Variants in PTPRF observed in about 807,000 individuals in gnomAD.
PTPRF encodes the protein receptor-type tyrosine-protein phosphatase F.
Under a neutral mutation model 201.8 loss-of-function variants are expected in PTPRF, and 59 were observed. That is an observed-to-expected ratio of 0.29 (90% CI 0.24 to 0.36). The LOEUF (loss-of-function observed/expected upper bound fraction) is 0.36, where lower values mean the gene tolerates loss of function less well. PTPRF is among the 10% of genes least tolerant of loss of function. The pLI is 1.00. For missense variants in PTPRF, 2,132 were observed against 2,690.5 expected, an observed-to-expected ratio of 0.79 and a Z score of 4.59; for synonymous variants, 1,088 against 1,089.7, an observed-to-expected ratio of 1.00 and a Z score of 0.03.
At chr1:43,575,792 CATGT>C (rs1411074922) in intron 6 of PTPRF, 3 of 905,476 alleles carry the variant, frequency 3.3e-6, no homozygotes, top group African/African-American at 3.4e-5. Context: ...TCAATTTCTC[CATGT>C]ATTTAAGGCC....
At chr1:43,616,895 C>T (rs539507386) in intron 23 of PTPRF, among the ~76,000 whole-genome samples, 1 of 152,186 alleles carries the variant, frequency 6.6e-6, no homozygotes, top group East Asian at 1.9e-4. Context: ...AGAAGGAACC[C>T]TGGAGGAGCT....
intron 11 of PTPRF, among the ~76,000 whole-genome samples, chr1:43,595,662 T>G (rs551237213): frequency 1.4e-4 from 21 of 152,180 alleles, no homozygotes; most frequent in Non-Finnish European, 2.8e-4. Context: ...GTATGGGTGG[T>G]GAGAGAGCTT....
At chr1:43,563,575 T>C (rs1372251456) in intron 5 of PTPRF, among the ~76,000 whole-genome samples, 2 of 151,976 alleles carry the variant, frequency 1.3e-5, no homozygotes, top group East Asian at 1.9e-4. Flanking sequence ...ACTGGGAGTG[T>C]GTGAGGTCAA....
upstream of PTPRF, among the ~76,000 whole-genome samples, chr1:43,522,831 A>G (rs1221563441): frequency 6.6e-6 from 1 of 151,992 alleles, no homozygotes. Context: ...GAGGTAGGCA[A>G]AGGGAGGGCA....
intron 11 of PTPRF, among the ~76,000 whole-genome samples, chr1:43,595,936 T>C (rs1467718071): frequency 6.6e-6 from 1 of 151,768 alleles, no homozygotes; most frequent in African/African-American, 2.4e-5. Flanking sequence ...ACAGGCAGCA[T>C]GGAGAGTCCT....
At chr1:43,604,764 C>G (rs891968017) in intron 16 of PTPRF, 139 bp from the exon 17 acceptor site, 5 of 715,948 alleles carry the variant, frequency 7.0e-6, no homozygotes, top group Non-Finnish European at 1.2e-5. Context: ...GGGAGTGGGG[C>G]GCTTGGTACT....
chr1:43,583,813 C>A (rs1013510679), intron 7 of PTPRF, among the ~76,000 whole-genome samples: 5 of 152,214 alleles, frequency 3.3e-5, no homozygotes, highest in Non-Finnish European at 7.3e-5. Context: ...GATCCTCCTA[C>A]CTGCCCCAGG....
At position 43,554,019 on chromosome 1, in the gene PTPRF, T is replaced by C; in HGVS notation, c.379+78T>C. 6.4e-7 allele frequency: 1 copy of C among 1,553,900 alleles called. No homozygotes were observed. Among genetic ancestry groups the C allele is most frequent in the Non-Finnish European group, 8.7e-7 (1 of 1,145,244 alleles). On this transcript the variant is annotated intron_variant, in intron 5 of 33. Coordinates refer to ENST00000359947, the MANE Select transcript of PTPRF (RefSeq NM_002840.5). This position sits in a 1 kb window ranked among gnomAD's most constrained non-coding sequence, Gnocchi z 4.1. ...GAGCCAGCCAGCCCTGATCCTGTCC[T>C]GGGCCCATGTGCATTTGGCAGAAAG...
chr1:43,545,408 G>T (rs1283808089), intron 3 of PTPRF, among the ~76,000 whole-genome samples: 1 of 152,184 alleles, frequency 6.6e-6, no homozygotes, highest in Admixed American at 6.5e-5. Context: ...GTCTTATGGG[G>T]CTGGGGTGAG....
chr1:43,587,943 C>G lies in PTPRF; in HGVS notation c.680-788C>G, dbSNP rs1381833661. Among the ~76,000 whole-genome samples the G allele has an allele frequency of 2.0e-5, 3 of 152,154 alleles. No homozygotes were observed. In the East Asian group the frequency reaches 5.8e-4, roughly 29 times the overall value. ...GGGAGTCCAAGGCTGGAGGTCGTGG[C>G]CAGGCACAGCCACAGCCACCCCTCC... On this transcript the variant is annotated intron_variant, in intron 7 of 33. Coordinates refer to ENST00000359947, the MANE Select transcript of PTPRF (RefSeq NM_002840.5).
At chr1:43,589,084 G>C (rs1235002094) in intron 8 of PTPRF, 84 bp downstream of exon 8, 2 of 1,426,550 alleles carry the variant, frequency 1.4e-6, no homozygotes, top group African/African-American at 2.9e-5. Context: ...TGGCTGCCAT[G>C]GGCACAGGCA....
intron 8 of PTPRF, among the ~76,000 whole-genome samples, chr1:43,589,695 GAA>G (rs55816248): frequency 0.33 from 34,895 of 106,458 alleles, 5,316 homozygotes; most frequent in East Asian, 0.53. Flanking sequence ...CCATCTCTAC[GAA>G]AAAAAAAAAA....
chr1:43,556,481 C>T (rs894852384), intron 5 of PTPRF, among the ~76,000 whole-genome samples: 6 of 152,110 alleles, frequency 3.9e-5, no homozygotes, highest in African/African-American at 1.2e-4. Context: ...AGGCTGGTCT[C>T]GAACTCCTGA....
intron 13 of PTPRF, among the ~76,000 whole-genome samples, chr1:43,601,448 A>G (rs1441252107): frequency 2.0e-5 from 3 of 152,246 alleles, no homozygotes; most frequent in Admixed American, 6.5e-5. Context: ...CACAGCCTTC[A>G]TAGTCTTGCT....
chr1:43,580,183 C>T (rs1647240057), intron 7 of PTPRF: 1 of 152,078 alleles, frequency 6.6e-6, no homozygotes, highest in South Asian at 2.1e-4. Flanking sequence ...TGAGGGGTGT[C>T]GTCTGACTCT....
intron 8 of PTPRF, 114 bp from the exon 9 acceptor site, chr1:43,590,858 G>A: frequency 3.1e-6 from 3 of 974,830 alleles, no homozygotes; most frequent in African/African-American, 1.6e-5. Context: ...TAGGCTGTGG[G>A]TATCAGCCAC....
intron 7 of PTPRF, chr1:43,583,084 C>T (rs1648158374): frequency 1.0e-6 from 1 of 985,638 alleles, no homozygotes; most frequent in Non-Finnish European, 1.2e-6. Context: ...TCTCTCAGAT[C>T]AGCGAGAAGG....
chr1:43,607,038 G>A (rs1318458408), intron 21 of PTPRF, 70 bp downstream of exon 21: 1 of 1,574,966 alleles, frequency 6.3e-7, no homozygotes, highest in Non-Finnish European at 8.6e-7. Context: ...TCCGGGTGTG[G>A]TGCCTGTGGA....
At position 43,603,916 on chromosome 1, in the gene PTPRF, C is replaced by T; in HGVS notation, c.2764C>T (p.Leu922=). 1 of 1,614,132 alleles carries T rather than the reference C, an allele frequency of 6.2e-7. No homozygotes were observed. The highest frequency in any genetic ancestry group is 8.5e-7 in the Non-Finnish European group (1 of 1,180,042). The change falls in exon 16 of 34, where the codon CTG becomes TTG. Residue 922 remains leucine (L), a synonymous_variant. Coordinates refer to ENST00000359947, the MANE Select transcript of PTPRF (RefSeq NM_002840.5). This position sits in a 1 kb window ranked among gnomAD's most constrained non-coding sequence, Gnocchi z 5.8. The stretch of plus-strand genomic sequence containing the variant: ...CCTGCCCAGCGGCTTCCCCCAAAAC[C>T]TGCATGTGACAGGACTGACCACGTC... ...EDLPSGFPQN[L]HVTGLTTSTT...
Sources: allele counts gnomAD v4.1 joint callset (sites outside exome capture counted in the v4.1 genomes callset), GRCh38; gene constraint gnomAD v4.1.1; non-coding constraint Gnocchi (gnomAD v3.1); transcripts MANE v1.5; gene names NCBI Gene and HGNC (gene_info 2026-07-23, HGNC 2026-07-21).